Variants in MPDZ observed in about 807,000 individuals in gnomAD.
MPDZ encodes multiple PDZ domain crumbs cell polarity complex component, also known as multiple PDZ domain protein.
A neutral mutation model predicts 239.1 loss-of-function variants in MPDZ; 234 were observed. The observed-to-expected ratio is 0.98, with a 90% confidence interval of 0.88 to 1.09. The LOEUF (loss-of-function observed/expected upper bound fraction) is 1.09, where lower values mean the gene tolerates loss of function less well. Among genes scored for constraint, MPDZ ranks in the 50% least tolerant of loss-of-function variants. MPDZ has a pLI of 0.00. For missense variants in MPDZ, 3,175 were observed against 2,510.0 expected (o/e 1.26, Z -5.66); for synonymous variants, 1,048 against 881.3 (o/e 1.19, Z -3.35).
In MPDZ at chr9:13,147,620, T is replaced by C. The variant is rs761022519; in HGVS notation, c.3669A>G (p.Gln1223=). The change falls in exon 26 of 47, where the codon CAA becomes CAG. Residue 1223 remains glutamine, a synonymous_variant. Transcript: ENST00000319217. The part of the protein sequence containing the change: ...GMDLRDASHE[Q]AVEAIRKAGN... Reference sequence around the variant, plus strand: ...CTGCTTTCCGAATGGCTTCCACAGCTTGTTCATGGCTTGCATCTCTGAGGT... The same window carrying C: ...CTGCTTTCCGAATGGCTTCCACAGCCTGTTCATGGCTTGCATCTCTGAGGT... The C allele has an allele frequency of 1.2e-6, 2 of 1,612,318 alleles. No individual in the cohort carries two copies. The highest frequency in any genetic ancestry group is 2.7e-5 in the African/African-American group (2 of 74,822).
rs775028397 is a variant in MPDZ, at chr9:13,196,241, C to A, written c.1547-11G>T. On this transcript the variant is annotated splice_polypyrimidine_tract_variant and intron_variant, in intron 12 of 46. Coordinates refer to ENST00000319217, the MANE Select transcript of MPDZ (RefSeq NM_001378778.1). Reference sequence around the variant, plus strand: ...ACAGTAATGGATACCCTGAAACAGTCAAGGCAATTAAGTTAGCAGCAAACT... The same window carrying A: ...ACAGTAATGGATACCCTGAAACAGTAAAGGCAATTAAGTTAGCAGCAAACT... 9.0e-6 allele frequency: 14 copies of A among 1,556,820 alleles called. No homozygotes were observed. Among genetic ancestry groups the A allele is most frequent in the African/African-American group, 1.3e-5 (1 of 74,098 alleles).
intron 21 of MPDZ, among the ~76,000 whole-genome samples, chr9:13,173,866 C>G (rs368676025): frequency 9.2e-5 from 14 of 152,138 alleles, no homozygotes; most frequent in African/African-American, 3.4e-4. Context: ...CTACCCTTAG[C>G]TCCCGCTGCC....
rs759061515 is a variant in MPDZ, at chr9:13,250,312, A to G, written c.4T>C (p.Leu2=). 1 of 1,593,262 alleles carries G rather than the reference A, an allele frequency of 6.3e-7. No homozygotes were observed. Among genetic ancestry groups the G allele is most frequent in the South Asian group, 1.1e-5 (1 of 87,614 alleles). The change falls in exon 2 of 47, where the codon TTG becomes CTG. Residue 2 remains leucine, a synonymous_variant. Coordinates refer to ENST00000319217, the MANE Select transcript of MPDZ (RefSeq NM_001378778.1). M[L]EAIDKNRALH... ...GAATAAGTCTTACCAATGGCTTCCA[A>G]CATTTTTTTCAAAGTTCAGTGTTCT...
intron 27 of MPDZ, among the ~76,000 whole-genome samples, chr9:13,140,584 G>T (rs1276610881): frequency 6.6e-6 from 1 of 151,074 alleles, no homozygotes; most frequent in Non-Finnish European, 1.5e-5. Flanking sequence ...TAGTATCAGA[G>T]AATAATTCAC....
chr9:13,216,831 T>G lies in MPDZ; in HGVS notation c.1233A>C (p.Thr411=). Residue 411 remains threonine (T), a synonymous_variant, in exon 10 of 47, where the codon ACA becomes ACC. Transcript: ENST00000319217. ...CATCATGCTCAACGGCACTGCTTTT[T>G]GTAATGCTCTTTACAAAGATTCCTG... ...EPSGIFVKSI[T]KSSAVEHDGR... 6.2e-7 allele frequency: 1 copy of G among 1,610,318 alleles called. No homozygotes were observed. Among genetic ancestry groups the G allele is most frequent in the Non-Finnish European group, 8.5e-7 (1 of 1,178,060 alleles).
intron 21 of MPDZ, among the ~76,000 whole-genome samples, chr9:13,171,803 C>T (rs1363854093): frequency 6.6e-6 from 1 of 152,090 alleles, no homozygotes; most frequent in Admixed American, 6.6e-5. Context: ...CTGGTCATCA[C>T]TAGACAAAGA....
In MPDZ at chr9:13,150,687, C is replaced by T. The variant is rs753720293; in HGVS notation, c.3454G>A (p.Val1152Met). 7.5e-6 allele frequency: 10 copies of T among 1,340,220 alleles called. No homozygotes were observed. The Admixed American group carries it at 2.6e-4, about 35-fold the overall frequency. The allele number at this position is 1,340,220 out of a possible 1,614,324, so 83.0% of individuals were successfully genotyped here. ...AYSNWNQPRRVELWREPSKSL... is the reference protein window; with the variant it reads ...AYSNWNQPRRMELWREPSKSL... ...TTGCTTGGTTCTCTCCAGAGTTCCA[C>T]CCTAAAAAATAAATAAAATTTTCAA... Residue 1152 changes from valine to methionine, a missense_variant and splice_region_variant, in exon 25 of 47, where the codon GTG becomes ATG. Transcript: ENST00000319217.
chr9:13,131,303 C>CTCACAAA (rs1198137626), intron 32 of MPDZ, among the ~76,000 whole-genome samples: 2 of 152,092 alleles, frequency 1.3e-5, no homozygotes, highest in African/African-American at 4.8e-5. Context: ...CTATGGGGAA[C>CTCACAAA]TCACAAATTC....
In MPDZ at chr9:13,217,239, G is replaced by C. The variant is rs949835661; in HGVS notation, c.1142C>G (p.Thr381Ser). ...EESETFDVEL[T>S]KNVQGLGITI... is the part of the protein sequence containing the mutation. ...AATTCCTAATCCTTGGACATTTTTA[G>C]TGAGTTCTACATCAAATGTCTCACT... Residue 381 changes from threonine to serine, a missense_variant, in exon 9 of 47, where the codon ACT becomes AGT. By Grantham distance (58) the Thr-to-Ser change is moderately conservative. Coordinates refer to ENST00000319217, the MANE Select transcript of MPDZ (RefSeq NM_001378778.1). 1 of 1,603,826 alleles carries C rather than the reference G, an allele frequency of 6.2e-7. No homozygotes were observed. The highest frequency in any genetic ancestry group is 8.5e-7 in the Non-Finnish European group (1 of 1,175,196).
chr9:13,197,440 G>C (rs1287296849), intron 12 of MPDZ, among the ~76,000 whole-genome samples: 1 of 151,570 alleles, frequency 6.6e-6, no homozygotes, highest in Non-Finnish European at 1.5e-5. Flanking sequence ...AACACTATCG[G>C]GTGACTATGA....
chr9:13,209,190 A>C (rs943384624), intron 10 of MPDZ, among the ~76,000 whole-genome samples: 1 of 152,172 alleles, frequency 6.6e-6, no homozygotes, highest in African/African-American at 2.4e-5. Flanking sequence ...TCCAAGAAAC[A>C]CACCAAGTAC....
At chr9:13,197,082 G>C (rs1005604609) in intron 12 of MPDZ, among the ~76,000 whole-genome samples, 1 of 151,432 alleles carries the variant, frequency 6.6e-6, no homozygotes, top group African/African-American at 2.4e-5. Flanking sequence ...TTCATTCCAG[G>C]CATATTTTGT....
rs139354113 is a variant in MPDZ at position 13,232,511 on chromosome 9, C to T, written c.184-7928G>A. Among the ~76,000 whole-genome samples, 6 of 151,922 alleles carry T rather than the reference C, an allele frequency of 3.9e-5. No individual in the cohort carries two copies. The East Asian group carries it at 1.2e-3, about 29-fold the overall frequency. On this transcript the variant is annotated intron_variant, in intron 3 of 46. Transcript: ENST00000319217. The stretch of plus-strand genomic sequence containing the variant: ...ATAAACATACACATGCACATAAATA[C>T]TTTATTTCTACCTCACACCACATTC...
intron 32 of MPDZ, among the ~76,000 whole-genome samples, chr9:13,132,655 G>A (rs1244439218): frequency 1.3e-5 from 2 of 152,074 alleles, no homozygotes; most frequent in East Asian, 1.9e-4. Flanking sequence ...TGTGTGCCAG[G>A]TGCTGGAAAC....
Position 13,205,968 on chromosome 9 carries a change from T to C in MPDZ, c.1422A>G (p.Glu474=), listed in dbSNP as rs1956941044. ...ACAAATCTGCATCTTTTGTGACGTCTTCCCTTGACATGAGCTCGGCTTCCT... is the reference window on the plus strand; with the variant it reads ...ACAAATCTGCATCTTTTGTGACGTCCTCCCTTGACATGAGCTCGGCTTCCT... ...MKQEAELMSR[E]DVTKDADLSP... Residue 474 remains glutamate (E), a synonymous_variant, in exon 11 of 47, where the codon GAA becomes GAG. Coordinates refer to ENST00000319217, the MANE Select transcript of MPDZ (RefSeq NM_001378778.1). The C allele has an allele frequency of 6.2e-7, 1 of 1,610,468 alleles. No individual in the cohort carries two copies. The highest frequency in any genetic ancestry group is 1.1e-5 in the South Asian group (1 of 89,910).
At chr9:13,223,475 G>A (rs1959461822) in intron 5 of MPDZ, 96 bp downstream of exon 5, 1 of 1,364,052 alleles carries the variant, frequency 7.3e-7, no homozygotes, top group Non-Finnish European at 9.7e-7. Context: ...TCAATTTTTT[G>A]TTGCCATTCA....
intron 39 of MPDZ, among the ~76,000 whole-genome samples, chr9:13,117,456 G>A (rs1446725289): frequency 2.0e-5 from 3 of 151,118 alleles, no homozygotes; most frequent in South Asian, 2.1e-4. Context: ...GCGTGAACCC[G>A]GGAGGCGGAG....
chr9:13,181,898 TG>T (rs1953387258), intron 19 of MPDZ, among the ~76,000 whole-genome samples: 2 of 152,114 alleles, frequency 1.3e-5, no homozygotes, highest in African/African-American at 4.8e-5. Context: ...CAGTAAAGAC[TG>T]AACACATTCC....
intron 32 of MPDZ, among the ~76,000 whole-genome samples, chr9:13,129,537 G>A (rs1296391790): frequency 6.6e-6 from 1 of 151,544 alleles, no homozygotes; most frequent in East Asian, 1.9e-4. Flanking sequence ...ACATAAGAAA[G>A]GATAACAGCA....
Sources: allele counts gnomAD v4.1 joint callset (sites outside exome capture counted in the v4.1 genomes callset), GRCh38; gene constraint gnomAD v4.1.1; transcripts MANE v1.5; gene names NCBI Gene and HGNC (gene_info 2026-07-23, HGNC 2026-07-21).